The following CNTN4 variants were observed in gnomAD, a reference collection of about 807,000 sequenced individuals.
CNTN4 encodes contactin 4, also known as contactin-4.
Under a neutral mutation model 122.5 loss-of-function variants are expected in CNTN4, and 77 were observed. The observed-to-expected ratio is 0.63, with a 90% CI of 0.52 to 0.76. The LOEUF is 0.76. CNTN4 is among the 30% of genes least tolerant of loss of function. The pLI is 0.00. For missense variants in CNTN4, 1,256 were observed against 1,259.1 expected, an observed-to-expected ratio of 1.00 and a Z score of 0.04; for synonymous variants, 512 against 447.0, an observed-to-expected ratio of 1.15 and a Z score of -1.83.
intron 3 of CNTN4, among the ~76,000 whole-genome samples, chr3:2,409,972 T>C (rs1350926800): frequency 6.6e-6 from 1 of 152,218 alleles, no homozygotes; most frequent in East Asian, 1.9e-4. Flanking sequence ...GAAAAGATTC[T>C]ACTGGGTCAT....
intron 4 of CNTN4, among the ~76,000 whole-genome samples, chr3:2,701,363 G>T (rs2086347424): frequency 6.6e-6 from 1 of 152,152 alleles, no homozygotes; most frequent in Non-Finnish European, 1.5e-5. Flanking sequence ...CTTTAGAGCA[G>T]GAGATGAAGC....
Position 2,690,798 on chromosome 3 carries a change from A to G in CNTN4, c.56-45417A>G, listed in dbSNP as rs112430972. 1.3e-5 allele frequency among the ~76,000 whole-genome samples: 2 copies of G among 152,348 alleles called. 1 individual carries two copies. The highest frequency in any genetic ancestry group is 4.8e-5 in the African/African-American group (2 of 41,588). On this transcript the variant is annotated intron_variant, in intron 4 of 24. Transcript: ENST00000418658. ...GAAAATTCTATGAAATTCAAATTTC[A>G]GTGTCCACCAATAAAGTTTTATTGC...
At chr3:2,784,416 A>G (rs747156239) in intron 6 of CNTN4, among the ~76,000 whole-genome samples, 6 of 152,242 alleles carry the variant, frequency 3.9e-5, no homozygotes, top group Admixed American at 1.3e-4. Context: ...TATAGGGAGA[A>G]TATAATTAGA....
At chr3:3,020,706 T>C (rs753222588) in intron 14 of CNTN4, among the ~76,000 whole-genome samples, 37 of 152,356 alleles carry the variant, frequency 2.4e-4, no homozygotes, top group Admixed American at 1.8e-3. Context: ...TGCCTGTTTG[T>C]AGTTACTCTT....
intron 2 of CNTN4, among the ~76,000 whole-genome samples, chr3:2,310,673 G>A (rs548124220): frequency 2.0e-3 from 302 of 152,116 alleles, no homozygotes; most frequent in Non-Finnish European, 3.2e-3. Flanking sequence ...ATGGCATATC[G>A]AGCACCTGTG....
At chr3:2,150,908 G>A (rs1364774668) in intron 2 of CNTN4, among the ~76,000 whole-genome samples, 1 of 152,066 alleles carries the variant, frequency 6.6e-6, no homozygotes, top group African/African-American at 2.4e-5. Context: ...CTTCCTCTTT[G>A]GGGGAGGATG....
chr3:2,522,575 A>C (rs2077260288), intron 3 of CNTN4, among the ~76,000 whole-genome samples: 1 of 152,146 alleles, frequency 6.6e-6, no homozygotes, highest in African/African-American at 2.4e-5. Flanking sequence ...TAAGAAACGC[A>C]CTATTTCAAT....
At chr3:2,492,351 G>A (rs2076342051) in intron 3 of CNTN4, among the ~76,000 whole-genome samples, 1 of 152,060 alleles carries the variant, frequency 6.6e-6, no homozygotes. Flanking sequence ...CAGATTTTTG[G>A]GCTTAGTCCT....
chr3:2,681,996 G>A (rs1319082130), intron 4 of CNTN4, among the ~76,000 whole-genome samples: 1 of 152,112 alleles, frequency 6.6e-6, no homozygotes, highest in Non-Finnish European at 1.5e-5. Context: ...TAAAATACTA[G>A]AATGGGATAT....
chr3:2,472,544 G>A (rs531659700), intron 3 of CNTN4, among the ~76,000 whole-genome samples: 76 of 152,166 alleles, frequency 5.0e-4, no homozygotes, highest in Non-Finnish European at 1.0e-3. Flanking sequence ...TGGCCTCAAG[G>A]ACAAATTTTA....
intron 3 of CNTN4, among the ~76,000 whole-genome samples, chr3:2,355,548 T>C (rs2044833783): frequency 6.6e-6 from 1 of 152,184 alleles, no homozygotes; most frequent in Admixed American, 6.5e-5. Context: ...TGGGACCTAT[T>C]TCAGGGACCC....
intron 4 of CNTN4, among the ~76,000 whole-genome samples, chr3:2,689,398 A>C (rs2085607095): frequency 6.6e-6 from 1 of 152,148 alleles, no homozygotes; most frequent in Admixed American, 6.6e-5. Context: ...TCATGGAGCA[A>C]GCCTATGGTA....
intron 3 of CNTN4, among the ~76,000 whole-genome samples, chr3:2,400,917 G>A (rs1440169630): frequency 6.7e-6 from 1 of 149,828 alleles, no homozygotes; most frequent in African/African-American, 2.4e-5. Flanking sequence ...TAACCCTCTT[G>A]GGGAACATCA....
At chr3:3,046,153 T>G (rs1006186606) in intron 23 of CNTN4, among the ~76,000 whole-genome samples, 1 of 152,192 alleles carries the variant, frequency 6.6e-6, no homozygotes, top group Non-Finnish European at 1.5e-5. Flanking sequence ...TACGTCTGAT[T>G]GGTGTACCTG....
intron 4 of CNTN4, among the ~76,000 whole-genome samples, chr3:2,645,480 G>T (rs1288912680): frequency 2.0e-5 from 3 of 152,066 alleles, no homozygotes; most frequent in Non-Finnish European, 4.4e-5. Context: ...AAGCAAATTG[G>T]TATGTAATTA....
chr3:3,057,077 A>G lies in CNTN4; in HGVS notation c.*857A>G, dbSNP rs1208353246. Reference sequence around the variant, plus strand: ...ACATAGACCCAAAGTTACTATAGTCAACCAAGTCTTTCAAAGGATAAAAGA... The same window carrying G: ...ACATAGACCCAAAGTTACTATAGTCGACCAAGTCTTTCAAAGGATAAAAGA... On this transcript the variant is annotated 3_prime_UTR_variant, in exon 25 of 25. Transcript: ENST00000418658. 6.6e-6 allele frequency: 1 copy of G among 152,432 alleles called. No homozygotes were observed. Among genetic ancestry groups the G allele is most frequent in the African/African-American group, 2.4e-5 (1 of 41,442 alleles). 9.4% of individuals were successfully genotyped at this position (152,432 alleles called of 1,614,324 possible).
chr3:2,997,370 A>G (rs1206900521), intron 14 of CNTN4, among the ~76,000 whole-genome samples: 1 of 152,222 alleles, frequency 6.6e-6, no homozygotes, highest in Non-Finnish European at 1.5e-5. Context: ...AGGTGGTCCC[A>G]TGGGGGGAGC....
At chr3:2,459,728 G>A (rs368481345) in intron 3 of CNTN4, among the ~76,000 whole-genome samples, 20 of 152,174 alleles carry the variant, frequency 1.3e-4, no homozygotes, top group East Asian at 7.7e-4. Context: ...GACCACTATG[G>A]CTGCAACAAA....
intron 18 of CNTN4, chr3:3,037,614 C>A: frequency 2.3e-6 from 1 of 429,532 alleles, no homozygotes; most frequent in South Asian, 2.3e-5. Flanking sequence ...CATTTGTCAC[C>A]AAGATTCTAA....
Sources: gnomAD v4.1 joint callset for allele counts (sites outside exome capture counted in the v4.1 genomes callset) on GRCh38, gnomAD v4.1.1 for gene constraint, MANE v1.5 for transcripts, NCBI Gene and HGNC (gene_info 2026-07-23, HGNC 2026-07-21) for gene names.